The following PPEF1 variants were observed in gnomAD, a reference collection of about 807,000 sequenced individuals.
The protein encoded by PPEF1 is serine/threonine-protein phosphatase with EF-hands 1.
A neutral mutation model predicts 53.3 loss-of-function variants in PPEF1; 12 were observed. That is an observed-to-expected ratio of 0.23 (90% confidence interval 0.14 to 0.36). The LOEUF (loss-of-function observed/expected upper bound fraction) is 0.36. Ranked by LOEUF, PPEF1 falls within the 10% of genes least tolerant of loss-of-function variation. The probability of loss-of-function intolerance (pLI) is 1.00; values close to 1 mark genes in which losing one functional copy is unlikely to be tolerated. For missense variants in PPEF1, 334 were observed against 490.4 expected (o/e 0.68, Z 3.01); for synonymous variants, 165 against 176.7 (o/e 0.93, Z 0.52).
At chrX:18,743,320 A>G (rs766960243) in intron 3 of PPEF1, among the ~76,000 whole-genome samples, 4 of 111,597 alleles carry the variant, frequency 3.6e-5, no homozygotes, top group South Asian at 7.6e-4. Context: ...AACACTTGCA[A>G]TAGTACATTC....
chrX:18,825,900 A>G lies in PPEF1; in HGVS notation c.1750+65A>G, dbSNP rs779088553. On this transcript the variant is annotated intron_variant, in intron 15 of 15. Transcript: ENST00000470157. ...ATGTGTGTGTGTATGTTGGGGATAC[A>G]AAATGAGTACACTTTGATTGAGCCC... 2.7e-5 allele frequency: 21 copies of G among 772,753 alleles called. No homozygotes were observed. The Middle Eastern group carries it at 1.2e-3, about 45-fold the overall frequency. 63.7% of individuals were successfully genotyped at this position (772,753 alleles called of 1,213,427 possible).
chrX:18,688,043 C>T lies in PPEF1; in HGVS notation c.-426+1812C>T, dbSNP rs932710094. Among the ~76,000 whole-genome samples the T allele has an allele frequency of 2.7e-5, 3 of 111,832 alleles. No individual in the cohort carries two copies. In the East Asian group the frequency reaches 8.4e-4, roughly 31 times the overall value. On this transcript the variant is annotated intron_variant, in intron 3 of 21. Transcript: ENST00000361511. Reference sequence around the variant, plus strand: ...GGTTTAGAGGAGTTATGTAAGTTGCCTAAGATCCCCAGGTTGAAAGTGGCA... The same window carrying T: ...GGTTTAGAGGAGTTATGTAAGTTGCTTAAGATCCCCAGGTTGAAAGTGGCA...
chrX:18,704,236 T>C (rs1389021220), upstream of PPEF1, among the ~76,000 whole-genome samples: 1 of 111,505 alleles, frequency 9.0e-6, no homozygotes, highest in East Asian at 2.8e-4. Context: ...CCAATTCTTA[T>C]GTCTTCATAA....
chrX:18,709,646 C>T (rs1398106953), intron 1 of PPEF1, among the ~76,000 whole-genome samples: 4 of 109,646 alleles, frequency 3.6e-5, no homozygotes, highest in Admixed American at 2.0e-4. Context: ...TACAGGCACA[C>T]ACCACCACAC....
intron 4 of PPEF1, among the ~76,000 whole-genome samples, chrX:18,695,708 C>G (rs1929678109): frequency 8.9e-6 from 1 of 112,600 alleles, no homozygotes; most frequent in African/African-American, 3.2e-5. Context: ...GAGGACCAAG[C>G]TAGGGTTAGA....
chrX:18,686,432 ATCTT>A (rs1376925734), intron 3 of PPEF1, among the ~76,000 whole-genome samples: 3 of 111,343 alleles, frequency 2.7e-5, no homozygotes, highest in African/African-American at 6.5e-5. Context: ...CACTCATAAT[ATCTT>A]TCTTTAGCTA....
rs1423965020 is a variant in PPEF1, at chrX:18,806,447, C to T, written c.1296C>T (p.Ser432=). ...CTTCTAATTATTATGAAGAAGGCAGCAATCGAGGAGCTTACATCAAACTAT... is the reference window on the plus strand; with the variant it reads ...CTTCTAATTATTATGAAGAAGGCAGTAATCGAGGAGCTTACATCAAACTAT... The part of the protein sequence containing the change: ...FSASNYYEEG[S]NRGAYIKLCS... Residue 432 remains serine (S), a synonymous_variant, in exon 12 of 16, where the codon AGC becomes AGT. Transcript: ENST00000470157. 1 of 1,207,118 alleles carries T rather than the reference C, an allele frequency of 8.3e-7. No homozygotes were observed. The highest frequency in any genetic ancestry group is 1.1e-6 in the Non-Finnish European group (1 of 891,810).
intron 6 of PPEF1, among the ~76,000 whole-genome samples, chrX:18,763,377 G>A (rs2045706310): frequency 9.0e-6 from 1 of 111,021 alleles, no homozygotes; most frequent in Non-Finnish European, 1.9e-5. Context: ...ATGCTTTAAC[G>A]CCCAGGAAAG....
chrX:18,769,250 C>T (rs1024682275), intron 6 of PPEF1, among the ~76,000 whole-genome samples: 1 of 111,946 alleles, frequency 8.9e-6, no homozygotes, highest in Admixed American at 9.5e-5. Context: ...CTTTACATGG[C>T]TTCAAATATA....
intron 1 of PPEF1, among the ~76,000 whole-genome samples, chrX:18,723,443 G>A (rs2044633671): frequency 9.0e-6 from 1 of 111,670 alleles, no homozygotes. Context: ...CATTTTATAT[G>A]AATCAATTAA....
At chrX:18,739,610 C>T (rs777627145) in intron 3 of PPEF1, among the ~76,000 whole-genome samples, 26 of 112,189 alleles carry the variant, frequency 2.3e-4, no homozygotes, top group Non-Finnish European at 3.4e-4. Context: ...GCAGTCTGTC[C>T]GTTGTCAGAT....
intron 7 of PPEF1, among the ~76,000 whole-genome samples, chrX:18,781,447 G>GTC (rs2046083838): frequency 9.0e-6 from 1 of 111,448 alleles, no homozygotes; most frequent in African/African-American, 3.3e-5. Flanking sequence ...AAGAGGCTCA[G>GTC]AAGAGCCAGG....
At position 18,827,277 on chromosome X, in the gene PPEF1, C is replaced by G; in HGVS notation, c.1752C>G (p.Gly584=). 1.7e-6 allele frequency: 2 copies of G among 1,203,117 alleles called. 1 individual carries two copies. The highest frequency in any genetic ancestry group is 2.3e-6 in the Non-Finnish European group (2 of 888,722). The part of the protein sequence containing the change: ...IFNAIDTDHS[G]LISVEEFRAM... ...CAACCTTCTCCTATATTCTTTTAGG[C>G]CTGATCTCCGTGGAAGAATTTCGTG... The change falls in exon 16 of 16, where the codon GGC becomes GGG. Residue 584 remains glycine (G), a splice_region_variant and synonymous_variant. Transcript: ENST00000470157.
chrX:18,688,292 C>T (rs1000017683), intron 3 of PPEF1, among the ~76,000 whole-genome samples: 3 of 112,057 alleles, frequency 2.7e-5, no homozygotes, highest in African/African-American at 9.7e-5. Context: ...GAATGTGCCA[C>T]ATCAGTGGGA....
intron 10 of PPEF1, among the ~76,000 whole-genome samples, chrX:18,802,972 C>T (rs780171645): frequency 1.8e-5 from 2 of 111,053 alleles, no homozygotes; most frequent in East Asian, 5.6e-4. Flanking sequence ...GAGACCAGCT[C>T]AGTAGGGGAG....
chrX:18,808,419 T>G (rs778387010), intron 12 of PPEF1, among the ~76,000 whole-genome samples: 2 of 111,051 alleles, frequency 1.8e-5, no homozygotes, highest in African/African-American at 6.5e-5. Flanking sequence ...GTAGTATACA[T>G]GTACCATAAC....
At chrX:18,761,976 G>A (rs1260851910) in intron 6 of PPEF1, among the ~76,000 whole-genome samples, 1 of 111,637 alleles carries the variant, frequency 9.0e-6, no homozygotes, top group Admixed American at 9.5e-5. Context: ...TTATGCATGA[G>A]TGGAGTTGCT....
intron 6 of PPEF1, among the ~76,000 whole-genome samples, chrX:18,702,452 G>T (rs1930193746): frequency 9.4e-6 from 1 of 106,353 alleles, no homozygotes; most frequent in African/African-American, 3.4e-5. Context: ...CTGACATCTA[G>T]AATGCCAGAG....
At chrX:18,810,333 G>GCACA (rs372609345) in intron 12 of PPEF1, among the ~76,000 whole-genome samples, 348 of 102,210 alleles carry the variant, frequency 3.4e-3, no homozygotes, top group African/African-American at 0.012. Flanking sequence ...CTCTCTCTGC[G>GCACA]CACACACACA....
Sources: allele counts gnomAD v4.1 joint callset (sites outside exome capture counted in the v4.1 genomes callset), GRCh38; gene constraint gnomAD v4.1.1; transcripts MANE v1.5; gene names NCBI Gene and HGNC (gene_info 2026-07-23, HGNC 2026-07-21).